Variants in STIMATE observed in about 807,000 individuals in gnomAD.
The protein encoded by STIMATE is store-operated calcium entry regulator STIMATE.
Under a neutral mutation model 36.7 loss-of-function variants are expected in STIMATE, and 15 were observed. The ratio of observed to expected loss-of-function variants is 0.41; its 90% CI spans 0.27 to 0.63. The LOEUF (loss-of-function observed/expected upper bound fraction) is 0.63, where lower values mean the gene tolerates loss of function less well. STIMATE is among the 20% of genes least tolerant of loss of function. The probability of loss-of-function intolerance (pLI) is 0.32; values close to 1 mark genes in which losing one functional copy is unlikely to be tolerated. For missense variants in STIMATE, 305 were observed against 397.3 expected (o/e 0.77, Z 1.98); for synonymous variants, 163 against 162.3 (o/e 1.00, Z -0.03).
intron 1 of STIMATE, among the ~76,000 whole-genome samples, chr3:52,882,790 C>T (rs1575347635): frequency 6.6e-6 from 1 of 152,072 alleles, no homozygotes; most frequent in Non-Finnish European, 1.5e-5. Context: ...GCAGTTTGGA[C>T]AAAAATGATG....
chr3:52,896,124 T>G (rs1222755850), intron 1 of STIMATE, among the ~76,000 whole-genome samples: 3 of 152,008 alleles, frequency 2.0e-5, no homozygotes, highest in Admixed American at 1.3e-4. Context: ...CAGGGTTACT[T>G]AAAGCCTGAG....
chr3:52,843,672 C>T (rs563317138), intron 6 of STIMATE, 49 bp downstream of exon 6: 2 of 1,613,726 alleles, frequency 1.2e-6, no homozygotes, highest in East Asian at 4.5e-5. Flanking sequence ...GGACAGGAAC[C>T]CTGCCAGACA....
intron 1 of STIMATE, among the ~76,000 whole-genome samples, chr3:52,867,858 G>A (rs1409188005): frequency 6.6e-6 from 1 of 152,212 alleles, no homozygotes; most frequent in Non-Finnish European, 1.5e-5. Flanking sequence ...TAGTAGAGGA[G>A]CCGCAAAGAA....
At chr3:52,865,016 G>A (rs937456513) in intron 1 of STIMATE, among the ~76,000 whole-genome samples, 1 of 151,170 alleles carries the variant, frequency 6.6e-6, no homozygotes, top group Admixed American at 6.6e-5. Context: ...GCGTGATCTC[G>A]GCTCACTGCA....
chr3:52,851,645 T>C (rs1364573533), intron 3 of STIMATE, among the ~76,000 whole-genome samples: 1 of 88,122 alleles, frequency 1.1e-5, no homozygotes, highest in East Asian at 4.2e-4. Flanking sequence ...GGCCTGAGGC[T>C]ATGCTGCTCT....
chr3:52,874,957 C>T (rs1013042298), intron 1 of STIMATE, among the ~76,000 whole-genome samples: 1 of 152,210 alleles, frequency 6.6e-6, no homozygotes, highest in African/African-American at 2.4e-5. Context: ...TCAAACCCAA[C>T]TCATTTAGAA....
intron 7 of STIMATE, among the ~76,000 whole-genome samples, chr3:52,842,058 T>C (rs568242817): frequency 1.2e-4 from 18 of 152,226 alleles, no homozygotes; most frequent in Non-Finnish European, 2.6e-4. Flanking sequence ...TGCCTCAATC[T>C]TAGAACATAT....
chr3:52,842,707 T>C, intron 7 of STIMATE, 104 bp downstream of exon 7: 1 of 1,565,554 alleles, frequency 6.4e-7, no homozygotes, highest in Non-Finnish European at 8.6e-7. Context: ...GCTCGCACTG[T>C]GACTCTGCAC....
intron 1 of STIMATE, among the ~76,000 whole-genome samples, chr3:52,878,998 CTCT>C (rs927673915): frequency 4.6e-5 from 7 of 152,182 alleles, no homozygotes; most frequent in South Asian, 2.1e-4. Flanking sequence ...AGCAAAAAAA[CTCT>C]TCTTCTGGGA....
Position 52,888,317 on chromosome 3 carries a change from G to A in STIMATE, c.160+8974C>T, listed in dbSNP as rs183232291. Among the ~76,000 whole-genome samples, 12 of 152,262 alleles carry A rather than the reference G, an allele frequency of 7.9e-5. No homozygotes were observed. The East Asian group carries it at 2.1e-3, about 27-fold the overall frequency. On this transcript the variant is annotated intron_variant, in intron 1 of 7. Transcript: ENST00000355083. ...AGGTCAGTAACATGCTTGCTTAAAT[G>A]CGCTCTGAGCAAGCCTCCCCGACAT...
At chr3:52,881,582 A>AG (rs1283166109) in intron 1 of STIMATE, among the ~76,000 whole-genome samples, 1 of 152,024 alleles carries the variant, frequency 6.6e-6, no homozygotes, top group Non-Finnish European at 1.5e-5. Flanking sequence ...GGGTGCCTGT[A>AG]TCCCAGCTAC....
intron 1 of STIMATE, among the ~76,000 whole-genome samples, chr3:52,891,892 C>A (rs1334799071): frequency 6.6e-6 from 1 of 152,210 alleles, no homozygotes; most frequent in African/African-American, 2.4e-5. Context: ...GACACCAACC[C>A]AGCTTCCTCA....
chr3:52,877,741 C>T (rs1701524548), intron 1 of STIMATE, among the ~76,000 whole-genome samples: 6 of 152,222 alleles, frequency 3.9e-5, no homozygotes, highest in Admixed American at 3.9e-4. Flanking sequence ...CACTCAGCAC[C>T]CACCCTGCAC....
chr3:52,884,795 A>G (rs187451534), intron 1 of STIMATE, among the ~76,000 whole-genome samples: 2 of 152,238 alleles, frequency 1.3e-5, no homozygotes, highest in East Asian at 3.9e-4. Flanking sequence ...ACATACTACA[A>G]TTTGTTTATC....
At chr3:52,875,570 G>A (rs1047287762) in intron 1 of STIMATE, among the ~76,000 whole-genome samples, 5 of 152,210 alleles carry the variant, frequency 3.3e-5, no homozygotes, top group Admixed American at 1.3e-4. Context: ...ACTTGGCAGA[G>A]AACAGAATGA....
intron 1 of STIMATE, among the ~76,000 whole-genome samples, chr3:52,873,463 C>G (rs1461280336): frequency 2.0e-5 from 3 of 152,218 alleles, no homozygotes; most frequent in Non-Finnish European, 4.4e-5. Flanking sequence ...GCGAGTTGTA[C>G]AACCACTTGG....
At chr3:52,854,921 G>T (rs1701068398) in intron 2 of STIMATE, among the ~76,000 whole-genome samples, 1 of 152,214 alleles carries the variant, frequency 6.6e-6, no homozygotes, top group East Asian at 1.9e-4. Flanking sequence ...TATATTTGGT[G>T]TCAGAAGTAT....
intron 1 of STIMATE, among the ~76,000 whole-genome samples, chr3:52,894,296 T>G (rs1352578260): frequency 1.3e-5 from 2 of 152,236 alleles, no homozygotes; most frequent in Non-Finnish European, 2.9e-5. Flanking sequence ...AAGGCAGTGC[T>G]GACACTGGGA....
intron 7 of STIMATE, among the ~76,000 whole-genome samples, 154 bp from the exon 8 acceptor site, chr3:52,840,764 A>G (rs1310828888): frequency 1.3e-5 from 2 of 149,606 alleles, no homozygotes; most frequent in Non-Finnish European, 3.0e-5. Flanking sequence ...CAATGGCACG[A>G]TCTCGCCTCA....
Sources: allele counts gnomAD v4.1 joint callset (sites outside exome capture counted in the v4.1 genomes callset), GRCh38; gene constraint gnomAD v4.1.1; transcripts MANE v1.5; gene names NCBI Gene and HGNC (gene_info 2026-07-23, HGNC 2026-07-21).